SLC20A2: variants seen among roughly 807,000 people sequenced by gnomAD.
SLC20A2 encodes the protein sodium-dependent phosphate transporter 2.
Under a neutral mutation model 61.0 loss-of-function variants are expected in SLC20A2, and 30 were observed. That is an observed-to-expected ratio of 0.49 (90% CI 0.37 to 0.67). The LOEUF (loss-of-function observed/expected upper bound fraction) is 0.67, where lower values mean the gene tolerates loss of function less well. SLC20A2 is among the 30% of genes least tolerant of loss of function. The pLI is 0.00. For missense variants in SLC20A2, 626 were observed against 866.4 expected, an observed-to-expected ratio of 0.72 and a Z score of 3.48; for synonymous variants, 351 against 353.3, an observed-to-expected ratio of 0.99 and a Z score of 0.07.
At chr8:42,519,253 G>A (rs1398544968) in intron 1 of SLC20A2, among the ~76,000 whole-genome samples, 2 of 152,146 alleles carry the variant, frequency 1.3e-5, no homozygotes, top group Non-Finnish European at 2.9e-5. Flanking sequence ...AGACCATCCT[G>A]GCCAACATGG....
intron 5 of SLC20A2, 124 bp downstream of exon 5, chr8:42,459,772 C>T (rs1008054349): frequency 1.6e-6 from 1 of 637,418 alleles, no homozygotes; most frequent in Non-Finnish European, 2.8e-6. Flanking sequence ...ACTCCAGCAC[C>T]TATTCCATAA....
chr8:42,527,687 A>G (rs1812063418), intron 1 of SLC20A2, among the ~76,000 whole-genome samples: 1 of 151,346 alleles, frequency 6.6e-6, no homozygotes, highest in African/African-American at 2.4e-5. Context: ...AGAATCGCTT[A>G]AACCCAGGAG....
chr8:42,526,110 T>C lies in SLC20A2; in HGVS notation c.-265+15711A>G, dbSNP rs551344731. The stretch of plus-strand genomic sequence containing the variant: ...AGAAACAGGTAAGAAGGAGGAACTC[T>C]GCAGTGGTGAAGCTGGGCAAACACG... On this transcript the variant is annotated intron_variant, in intron 1 of 10. Transcript: ENST00000342228. 2.1e-4 allele frequency among the ~76,000 whole-genome samples: 32 copies of C among 152,286 alleles called. No homozygotes were observed. In the East Asian group the frequency reaches 5.6e-3, roughly 27 times the overall value.
At chr8:42,436,144 A>G (rs1804235671) in intron 8 of SLC20A2, among the ~76,000 whole-genome samples, 2 of 151,724 alleles carry the variant, frequency 1.3e-5, no homozygotes, top group Non-Finnish European at 2.9e-5. Flanking sequence ...ACCTCCTAGG[A>G]AGTTCTCCTA....
At chr8:42,460,767 T>C (rs1806634449) in intron 4 of SLC20A2, among the ~76,000 whole-genome samples, 1 of 152,194 alleles carries the variant, frequency 6.6e-6, no homozygotes, top group African/African-American at 2.4e-5. Context: ...TTAGCAGATC[T>C]ACAGAGAATT....
At chr8:42,473,755 G>A (rs1384374920) in intron 1 of SLC20A2, among the ~76,000 whole-genome samples, 1 of 152,146 alleles carries the variant, frequency 6.6e-6, no homozygotes, top group Non-Finnish European at 1.5e-5. Context: ...TGCTTATTGA[G>A]TTGAACTGAA....
intron 1 of SLC20A2, among the ~76,000 whole-genome samples, chr8:42,482,211 A>C (rs755680475): frequency 5.3e-5 from 8 of 152,208 alleles, no homozygotes; most frequent in Middle Eastern, 3.2e-3. Flanking sequence ...TTCAAATGGA[A>C]TCTGAATGAA....
At chr8:42,487,041 A>G (rs1809070658) in intron 1 of SLC20A2, among the ~76,000 whole-genome samples, 1 of 149,918 alleles carries the variant, frequency 6.7e-6, no homozygotes, top group African/African-American at 2.5e-5. Flanking sequence ...TAATTTTTGT[A>G]TTTTTTAGAA....
intron 5 of SLC20A2, among the ~76,000 whole-genome samples, chr8:42,455,255 TATAGAGAG>T (rs1210832154): frequency 3.5e-3 from 343 of 97,028 alleles, no homozygotes; most frequent in Admixed American, 6.6e-3. Context: ...TATATATATA[TATAGAGAG>T]AGAGAGAGAG....
At chr8:42,538,731 T>C (rs1812868913) in intron 1 of SLC20A2, among the ~76,000 whole-genome samples, 2 of 152,238 alleles carry the variant, frequency 1.3e-5, no homozygotes, top group African/African-American at 4.8e-5. Flanking sequence ...AACGCTTGTC[T>C]TCCTGTCATA....
rs558111419 is a variant in SLC20A2 at position 42,528,863 on chromosome 8, C to T, written c.-265+12958G>A. ...TGTATTTTTAGTAGAAACGGGGTTTCTCCATGTTGGTCAGGCTGGTCTCGA... is the reference window on the plus strand; with the variant it reads ...TGTATTTTTAGTAGAAACGGGGTTTTTCCATGTTGGTCAGGCTGGTCTCGA... On this transcript the variant is annotated intron_variant, in intron 1 of 10. Transcript: ENST00000342228. 1.1e-4 allele frequency among the ~76,000 whole-genome samples: 17 copies of T among 152,098 alleles called. No individual in the cohort carries two copies. The South Asian group carries it at 3.6e-3, about 32-fold the overall frequency.
chr8:42,465,689 C>CAAAA, intron 3 of SLC20A2, 88 bp downstream of exon 3: 7 of 1,059,716 alleles, frequency 6.6e-6, no homozygotes, highest in Non-Finnish European at 8.8e-6. Flanking sequence ...CACTCCGGGT[C>CAAAA]AAAAAAAAAA....
chr8:42,477,101 C>T (rs1357363258), intron 1 of SLC20A2, among the ~76,000 whole-genome samples: 1 of 152,160 alleles, frequency 6.6e-6, no homozygotes, highest in Non-Finnish European at 1.5e-5. Context: ...CAGTTCTGTT[C>T]CTCTCTAGTG....
intron 2 of SLC20A2, among the ~76,000 whole-genome samples, chr8:42,468,425 G>A (rs1486990895): frequency 2.0e-5 from 3 of 152,184 alleles, no homozygotes; most frequent in Non-Finnish European, 2.9e-5. Flanking sequence ...GGGAGGGGAG[G>A]AGACAGGGGA....
At position 42,496,897 on chromosome 8, in the gene SLC20A2, G is replaced by C. The variant is rs529299969; in HGVS notation, c.-265+4134C>G. On this transcript the variant is annotated intron_variant, in intron 1 of 10. Coordinates refer to ENST00000520262, the MANE Select transcript of SLC20A2 (RefSeq NM_001257180.2). ...TAAAGTGCTCATGAGCCAACAATAA[G>C]CTCCCCACCCCCCATATGGGCTACA... Among the ~76,000 whole-genome samples the C allele has an allele frequency of 5.4e-4, 82 of 152,266 alleles. 1 individual carries two copies. The highest frequency in any genetic ancestry group is 1.9e-3 in the African/African-American group (78 of 41,552).
chr8:42,461,278 C>G (rs1806676916), intron 4 of SLC20A2, among the ~76,000 whole-genome samples: 1 of 152,008 alleles, frequency 6.6e-6, no homozygotes, highest in Admixed American at 6.6e-5. Flanking sequence ...TGAAAAGAAC[C>G]CAGGATGAAC....
chr8:42,509,599 A>T (rs28434316), intron 1 of SLC20A2, among the ~76,000 whole-genome samples: 20,915 of 152,096 alleles, frequency 0.14, 1,569 homozygotes, highest in Middle Eastern at 0.23. Context: ...AATTAAAAAT[A>T]AAAAAATTAG....
intron 1 of SLC20A2, among the ~76,000 whole-genome samples, chr8:42,518,328 C>T (rs1811444953): frequency 6.6e-6 from 1 of 152,162 alleles, no homozygotes. Flanking sequence ...TACATAAAGC[C>T]ATACCAAATG....
chr8:42,475,103 T>C (rs916994792), intron 1 of SLC20A2, among the ~76,000 whole-genome samples: 5 of 146,134 alleles, frequency 3.4e-5, no homozygotes, highest in Non-Finnish European at 7.6e-5. Flanking sequence ...GGTATTGGCG[T>C]GACCAGACTT....
Sources: allele counts gnomAD v4.1 joint callset (sites outside exome capture counted in the v4.1 genomes callset), GRCh38; gene constraint gnomAD v4.1.1; transcripts MANE v1.5; gene names NCBI Gene and HGNC (gene_info 2026-07-23, HGNC 2026-07-21).